ZSWIM9: variants seen among roughly 807,000 people sequenced by gnomAD.
The protein encoded by ZSWIM9 is uncharacterized protein ZSWIM9.
In ZSWIM9, 11 loss-of-function variants were observed where a neutral mutation model predicts 25.0. The ratio of observed to expected loss-of-function variants is 0.44; its 90% confidence interval spans 0.28 to 0.73. ZSWIM9 has a LOEUF of 0.73. ZSWIM9 is among the 30% of genes least tolerant of loss of function. ZSWIM9 has a pLI of 0.16. For synonymous variants in ZSWIM9, 562 were observed against 582.1 expected (o/e 0.97, Z 0.50); for missense variants, 1,070 against 1,296.5 (o/e 0.83, Z 2.68).
rs764256787 is a variant in ZSWIM9 at position 48,194,960 on chromosome 19, C to T, written c.896C>T (p.Ala299Val). The T allele has an allele frequency of 2.8e-5, 37 of 1,327,718 alleles. 1 individual carries two copies. In the South Asian group the frequency reaches 5.7e-4, roughly 20 times the overall value. The allele number at this position is 1,327,718 out of a possible 1,614,324, so 82.2% of individuals were successfully genotyped here. A position where few individuals can be genotyped will look rare whatever the true frequency, so the allele number is the denominator to read the frequency against. The change falls in exon 4 of 4, where the codon GCG becomes GTG. Residue 299 changes from alanine to valine, a missense_variant. This residue lies in a region of ZSWIM9 where 184 missense variants were observed against 243.1 expected (regional missense o/e 0.76). Coordinates refer to ENST00000614654, the MANE Select transcript of ZSWIM9 (RefSeq NM_199341.4). This position sits in a 1 kb window ranked among gnomAD's most constrained non-coding sequence, Gnocchi z 6.0. ...TGCCTCACCGCCGGGCCCGAGGTGG[C>T]GGCGCAGTTGCCTGCAGTGCGCCAG... ...VRCLTAGPEV[A>V]AQLPAVRQLL...
intron 2 of ZSWIM9, among the ~76,000 whole-genome samples, chr19:48,176,498 A>C (rs1212469945): frequency 6.6e-6 from 1 of 152,092 alleles, no homozygotes; most frequent in Non-Finnish European, 1.5e-5. Flanking sequence ...CTGGACCCTC[A>C]TTCTGGTTAC....
chr19:48,180,104 C>T (rs1291702501), intron 2 of ZSWIM9, among the ~76,000 whole-genome samples: 1 of 152,014 alleles, frequency 6.6e-6, no homozygotes, highest in Non-Finnish European at 1.5e-5. Flanking sequence ...GCAACGTCCG[C>T]CTCCTGGGTT....
intron 2 of ZSWIM9, among the ~76,000 whole-genome samples, chr19:48,172,608 A>T (rs2036852785): frequency 6.6e-6 from 1 of 151,934 alleles, no homozygotes; most frequent in Non-Finnish European, 1.5e-5. Flanking sequence ...CCACCTCCCG[A>T]GTTCAAGCGT....
At chr19:48,186,095 G>C (rs1391171277) in intron 3 of ZSWIM9, among the ~76,000 whole-genome samples, 4 of 152,212 alleles carry the variant, frequency 2.6e-5, no homozygotes, top group Non-Finnish European at 5.9e-5. Flanking sequence ...CTGAGGAACT[G>C]AATTTGTCAT....
chr19:48,187,495 A>T (rs1289425134), intron 3 of ZSWIM9, among the ~76,000 whole-genome samples: 2 of 50,498 alleles, frequency 4.0e-5, no homozygotes, highest in African/African-American at 1.8e-4. Context: ...ATTATATTAT[A>T]ATATATTATA....
At chr19:48,184,554 T>G (rs943830849) in intron 3 of ZSWIM9, among the ~76,000 whole-genome samples, 4 of 152,152 alleles carry the variant, frequency 2.6e-5, no homozygotes, top group African/African-American at 9.7e-5. Context: ...TGTCTTCATC[T>G]CATGCCCAGT....
chr19:48,188,992 C>T (rs1259596417), intron 3 of ZSWIM9, among the ~76,000 whole-genome samples: 1 of 152,000 alleles, frequency 6.6e-6, no homozygotes, highest in Non-Finnish European at 1.5e-5. Context: ...GCTCACACCA[C>T]TGTACTCCAG....
chr19:48,187,520 TTA>T lies in ZSWIM9; in HGVS notation c.588+4759_588+4760del, dbSNP rs1491521323. Among the ~76,000 whole-genome samples, 524 of 85,874 alleles carry T rather than the reference TTA, an allele frequency of 6.1e-3. 5 individuals are homozygous for T. Among genetic ancestry groups the T allele is most frequent in the African/African-American group, 0.025 (512 of 20,464 alleles). 56.3% of individuals were successfully genotyped at this position (85,874 alleles called of 152,430 possible). A position where few individuals can be genotyped will look rare whatever the true frequency, so the allele number is the denominator to read the frequency against. On this transcript the variant is annotated intron_variant, in intron 3 of 3. Transcript: ENST00000614654. ...AATATATTATATTATATTATATATA[TTA>T]TATATTATATTATTATTATATTATA...
Position 48,171,981 on chromosome 19 carries a change from G to T in ZSWIM9, c.179G>T (p.Ser60Ile). The T allele has an allele frequency of 6.5e-7, 1 of 1,534,462 alleles. No individual in the cohort carries two copies. The highest frequency in any genetic ancestry group is 1.4e-5 in the African/African-American group (1 of 72,898). Reference protein sequence around the residue: ...SMHLARCRWASAPPLYTLIDV... With the variant: ...SMHLARCRWAIAPPLYTLIDV... ...CACCTGGCGCGCTGCCGCTGGGCCA[G>T]TGCGCCCCCGCTCTACACGCTCATC... The change falls in exon 2 of 4, where the codon AGT becomes ATT. Residue 60 changes from serine (S) to isoleucine (I), a missense_variant. This residue lies in a region of ZSWIM9 where 265 missense variants were observed against 339.0 expected (regional missense o/e 0.78). Transcript: ENST00000614654.
chr19:48,172,319 C>CTT (rs750603853), intron 2 of ZSWIM9, among the ~76,000 whole-genome samples: 3 of 143,068 alleles, frequency 2.1e-5, no homozygotes, highest in African/African-American at 7.7e-5. Context: ...GACTTACAGA[C>CTT]TTTTTTTTTT....
intron 2 of ZSWIM9, among the ~76,000 whole-genome samples, chr19:48,173,490 G>A (rs1022222479): frequency 6.6e-6 from 1 of 151,894 alleles, no homozygotes; most frequent in African/African-American, 2.4e-5. Context: ...GTAGAGATGG[G>A]GTGTCACCAT....
At chr19:48,173,376 G>A (rs2036860328) in intron 2 of ZSWIM9, among the ~76,000 whole-genome samples, 1 of 152,182 alleles carries the variant, frequency 6.6e-6, no homozygotes, top group South Asian at 2.1e-4. Flanking sequence ...TTGGCTCCCT[G>A]CAACCTCCAA....
rs2036908789 is a variant in ZSWIM9, at chr19:48,177,857, T to G, written c.276-4598T>G. ...ACATGGTGGCTGTATGTTTATTTTA[T>G]TCATATTTATTTGTACATTGAATAA... On this transcript the variant is annotated intron_variant, in intron 2 of 3. Transcript: ENST00000614654. 2.0e-5 allele frequency among the ~76,000 whole-genome samples: 3 copies of G among 152,364 alleles called. No individual in the cohort carries two copies. The South Asian group carries it at 6.2e-4, about 32-fold the overall frequency.
chr19:48,188,516 C>T (rs565674751), intron 3 of ZSWIM9, among the ~76,000 whole-genome samples: 4 of 152,050 alleles, frequency 2.6e-5, no homozygotes, highest in South Asian at 4.2e-4. Flanking sequence ...CGTGAGCCAC[C>T]GCACCCAACC....
chr19:48,185,901 G>A (rs1034695516), intron 3 of ZSWIM9, among the ~76,000 whole-genome samples: 2 of 152,194 alleles, frequency 1.3e-5, no homozygotes, highest in East Asian at 3.8e-4. Flanking sequence ...CACAAGAATC[G>A]CTTGAACCCA....
At chr19:48,183,951 A>C (rs1476500654) in intron 3 of ZSWIM9, among the ~76,000 whole-genome samples, 2 of 133,406 alleles carry the variant, frequency 1.5e-5, no homozygotes, top group Non-Finnish European at 3.4e-5. Flanking sequence ...GGCCTACTTA[A>C]ATTTTTTTTT....
intron 3 of ZSWIM9, among the ~76,000 whole-genome samples, chr19:48,192,468 A>ATGTATATATATATATAT (rs1173330681): frequency 4.2e-5 from 1 of 23,884 alleles, no homozygotes; most frequent in Non-Finnish European, 8.8e-5. Flanking sequence ...AAAAAAAAAA[A>ATGTATATATATATATAT]AAAAAAAAAA....
intron 2 of ZSWIM9, among the ~76,000 whole-genome samples, chr19:48,179,405 G>A (rs2036925042): frequency 6.6e-6 from 1 of 151,926 alleles, no homozygotes. Flanking sequence ...CTGGACTCAG[G>A]TGAAGTGATC....
Position 48,197,231 on chromosome 19 carries a change from G to C in ZSWIM9, c.*404G>C, listed in dbSNP as rs939008401. 4 of 702,286 alleles carry C rather than the reference G, an allele frequency of 5.7e-6. No homozygotes were observed. The African/African-American group carries it at 7.0e-5, about 12-fold the overall frequency. 43.5% of individuals were successfully genotyped at this position (702,286 alleles called of 1,614,324 possible). ...TCTAGGGAGTGCAGCGGGGAGAGGG[G>C]AAAGGGAGAAAGTACAGAAGACAGA... is the stretch of plus-strand genomic sequence containing the variant. On this transcript the variant is annotated 3_prime_UTR_variant, in exon 4 of 4. Coordinates refer to ENST00000614654, the MANE Select transcript of ZSWIM9 (RefSeq NM_199341.4).
Sources: gnomAD v4.1 joint callset for allele counts (sites outside exome capture counted in the v4.1 genomes callset) on GRCh38, gnomAD v4.1.1 for gene constraint, gnomAD v4.1.1 regional missense constraint, Gnocchi (gnomAD v3.1) non-coding constraint, MANE v1.5 for transcripts, NCBI Gene and HGNC (gene_info 2026-07-23, HGNC 2026-07-21) for gene names.